Variants in LETM1 observed in about 807,000 individuals in gnomAD.
The protein encoded by LETM1 is leucine zipper and EF-hand containing transmembrane protein 1, also known as mitochondrial proton/calcium exchanger protein.
Under a neutral mutation model 74.5 loss-of-function variants are expected in LETM1, and 50 were observed. That is an observed-to-expected ratio of 0.67 (90% CI 0.53 to 0.85). The LOEUF (loss-of-function observed/expected upper bound fraction) is 0.85, where lower values mean the gene tolerates loss of function less well. Ranked by LOEUF, LETM1 falls within the 40% of genes least tolerant of loss-of-function variation. The probability of loss-of-function intolerance (pLI) is 0.00; values close to 1 mark genes in which losing one functional copy is unlikely to be tolerated. For synonymous variants in LETM1, 446 were observed against 407.1 expected, an observed-to-expected ratio of 1.10 and a Z score of -1.15; for missense variants, 824 against 967.8, an observed-to-expected ratio of 0.85 and a Z score of 1.97.
chr4:1,850,109 G>A (rs368095738), intron 1 of LETM1, among the ~76,000 whole-genome samples: 2 of 151,932 alleles, frequency 1.3e-5, no homozygotes, highest in South Asian at 2.1e-4. Context: ...AGCTGAGATC[G>A]CACCATTGCA....
chr4:1,822,693 C>G (rs1032425154), intron 9 of LETM1: 8 of 358,850 alleles, frequency 2.2e-5, no homozygotes, highest in Admixed American at 4.7e-5. Flanking sequence ...CAGCGCCCCT[C>G]ACAGCAAGTC....
chr4:1,822,734 T>TA, intron 9 of LETM1: 1 of 386,458 alleles, frequency 2.6e-6, no homozygotes, highest in South Asian at 1.4e-4. Context: ...TGCCATATGC[T>TA]AAGCTTGCCC....
chr4:1,818,398 G>C (rs899363846), intron 11 of LETM1, among the ~76,000 whole-genome samples: 16 of 152,154 alleles, frequency 1.1e-4, no homozygotes, highest in Non-Finnish European at 2.1e-4. Flanking sequence ...TGGATCATGA[G>C]GTCAGGAGTT....
intron 11 of LETM1, 41 bp from the exon 12 acceptor site, chr4:1,816,955 G>GA: frequency 6.5e-7 from 1 of 1,547,054 alleles, no homozygotes; most frequent in Non-Finnish European, 8.9e-7. Flanking sequence ...TGTCTTAAAA[G>GA]AAAAAGGGGG....
Position 1,841,607 on chromosome 4 carries a change from G to A in LETM1, c.334C>T (p.Arg112Cys), listed in dbSNP as rs746673958. ...ACTACCGAGTCATCGCGAACAGGGC[G>A]CGAAGAGTGCCAGCCACGCACAGGA... ...CLPVRGWHSSRPVRDDSVVEK... is the reference protein window; with the variant it reads ...CLPVRGWHSSCPVRDDSVVEK... Residue 112 changes from arginine (R) to cysteine (C), a missense_variant, in exon 3 of 14, where the codon CGC becomes TGC. This residue lies in a region of LETM1 where 222 missense variants were observed against 195.6 expected (regional missense o/e 1.14). Coordinates refer to ENST00000302787, the MANE Select transcript of LETM1 (RefSeq NM_012318.3). The A allele has an allele frequency of 1.2e-5, 20 of 1,614,074 alleles. No individual in the cohort carries two copies. The highest frequency in any genetic ancestry group is 1.4e-5 in the Non-Finnish European group (16 of 1,180,040).
chr4:1,843,764 G>A (rs542173961), intron 2 of LETM1, among the ~76,000 whole-genome samples: 1 of 152,160 alleles, frequency 6.6e-6, no homozygotes, highest in African/African-American at 2.4e-5. Context: ...CAGCCACCAT[G>A]TCTCTAGGTT....
intron 3 of LETM1, among the ~76,000 whole-genome samples, chr4:1,837,039 C>A (rs1460673619): frequency 1.3e-5 from 2 of 152,100 alleles, no homozygotes; most frequent in Non-Finnish European, 2.9e-5. Flanking sequence ...AGGAAAAAAC[C>A]CAAGTATTTC....
rs111779218 is a variant in LETM1, at chr4:1,845,397, G to A, written c.144-3600C>T. Among the ~76,000 whole-genome samples, 336 of 152,276 alleles carry A rather than the reference G, an allele frequency of 2.2e-3. 1 individual carries two copies. Among genetic ancestry groups the A allele is most frequent in the African/African-American group, 7.6e-3 (315 of 41,546 alleles). ...GAGGTAGGTGGATCACCTGAGGTCA[G>A]GAGTTCGAGATGAGCCTGGCCAATG... On this transcript the variant is annotated intron_variant, in intron 2 of 13. Coordinates refer to ENST00000302787, the MANE Select transcript of LETM1 (RefSeq NM_012318.3).
chr4:1,853,686 G>T (rs528083716), intron 1 of LETM1, among the ~76,000 whole-genome samples: 1 of 152,178 alleles, frequency 6.6e-6, no homozygotes, highest in African/African-American at 2.4e-5. Flanking sequence ...AAGAAAATCT[G>T]AATATGTTAT....
At position 1,822,204 on chromosome 4, in the gene LETM1, C is replaced by G; in HGVS notation, c.1585G>C (p.Ala529Pro). 1 of 1,488,342 alleles carries G rather than the reference C, an allele frequency of 6.7e-7. No individual in the cohort carries two copies. The highest frequency in any genetic ancestry group is 1.3e-5 in the South Asian group (1 of 74,596). 92.2% of individuals were successfully genotyped at this position (1,488,342 alleles called of 1,614,324 possible). A position where few individuals can be genotyped will look rare whatever the true frequency, so the allele number is the denominator to read the frequency against. The change falls in exon 10 of 14, where the codon GCC becomes CCC. Residue 529 changes from alanine (A) to proline (P), a missense_variant. Ala to Pro is a conservative substitution (Grantham distance 27, BLOSUM62 -1). Coordinates refer to ENST00000302787, the MANE Select transcript of LETM1 (RefSeq NM_012318.3). ...ACCTTCAAGCCCTCCAGCACCGGGG[C>G]AGTGTCCTTCAAGGTCTCTGACTGC... ...VLQSETLKDT[A>P]PVLEGLKEEE...
rs1722546130 is a variant in LETM1, at chr4:1,814,269, T to C, written c.*155A>G. 1 of 1,167,852 alleles carries C rather than the reference T, an allele frequency of 8.6e-7. No individual in the cohort carries two copies. Among genetic ancestry groups the C allele is most frequent in the African/African-American group, 1.5e-5 (1 of 65,330 alleles). The allele number at this position is 1,167,852 out of a possible 1,614,324, so 72.3% of individuals were successfully genotyped here. A position where few individuals can be genotyped will look rare whatever the true frequency, so the allele number is the denominator to read the frequency against. The stretch of plus-strand genomic sequence containing the variant: ...CCAGACAGACTGAATCTCCGTGGAA[T>C]GATGAAAATTAAAATTTACTTGATT... On this transcript the variant is annotated 3_prime_UTR_variant, in exon 14 of 14. Transcript: ENST00000302787.
At chr4:1,851,536 A>T (rs1281589042) in intron 1 of LETM1, among the ~76,000 whole-genome samples, 1 of 152,218 alleles carries the variant, frequency 6.6e-6, no homozygotes, top group East Asian at 1.9e-4. Context: ...CCGGTCTGTG[A>T]ACTGGGAGCT....
In LETM1 at chr4:1,823,121, G is replaced by A; in HGVS notation, c.1343C>T (p.Ala448Val). The A allele has an allele frequency of 6.3e-7, 1 of 1,594,554 alleles. No homozygotes were observed. The highest frequency in any genetic ancestry group is 8.6e-7 in the Non-Finnish European group (1 of 1,169,114). ...QTLPEIVAKEAQVKVAEVEGE... is the reference protein window; with the variant it reads ...QTLPEIVAKEVQVKVAEVEGE... ...CTCCACCTCGGCCACTTTCACCTGT[G>A]CTTCCTTTGCCTTCAGAAGAGGGTA... The change falls in exon 9 of 14, where the codon GCA becomes GTA. Residue 448 changes from alanine to valine, a missense_variant. Coordinates refer to ENST00000302787, the MANE Select transcript of LETM1 (RefSeq NM_012318.3).
intron 7 of LETM1, 86 bp from the exon 8 acceptor site, chr4:1,823,861 A>G (rs1711887206): frequency 1.4e-6 from 2 of 1,415,694 alleles, no homozygotes; most frequent in East Asian, 2.3e-5. Flanking sequence ...TCACCAGAAT[A>G]GCTCTCAGAG....
rs1297906527 is a variant in LETM1, at chr4:1,827,941, C to T, written c.1081-2258G>A. Among the ~76,000 whole-genome samples, 986 of 148,304 alleles carry T rather than the reference C, an allele frequency of 6.6e-3. 10 individuals are homozygous for T. Among genetic ancestry groups the T allele is most frequent in the African/African-American group, 0.023 (923 of 39,336 alleles). ...GGGGCTGACCCCCCAACCTCCCTCCCGGATGGGGCGGCTGGCCGGGCAGAG... is the reference window on the plus strand; with the variant it reads ...GGGGCTGACCCCCCAACCTCCCTCCTGGATGGGGCGGCTGGCCGGGCAGAG... On this transcript the variant is annotated intron_variant, in intron 6 of 13. Transcript: ENST00000302787.
At chr4:1,828,900 C>T (rs1392819663) in intron 6 of LETM1, among the ~76,000 whole-genome samples, 1 of 110,444 alleles carries the variant, frequency 9.1e-6, no homozygotes, top group Non-Finnish European at 1.9e-5. Flanking sequence ...GGCGGCTGGC[C>T]GGGCAGAGGG....
chr4:1,816,684 T>C (rs751607875), intron 12 of LETM1, 43 bp downstream of exon 12: 6 of 1,586,194 alleles, frequency 3.8e-6, no homozygotes, highest in South Asian at 1.1e-5. Context: ...AGCCTCCCTA[T>C]GTGAGTCTCC....
intron 3 of LETM1, among the ~76,000 whole-genome samples, chr4:1,837,567 C>T (rs1279024974): frequency 6.6e-6 from 1 of 151,910 alleles, no homozygotes; most frequent in Non-Finnish European, 1.5e-5. Flanking sequence ...TTTTGATATG[C>T]CTCATTAATT....
chr4:1,844,846 G>A (rs1033587694), intron 2 of LETM1, among the ~76,000 whole-genome samples: 4 of 133,236 alleles, frequency 3.0e-5, no homozygotes, highest in Admixed American at 1.7e-4. Flanking sequence ...CCAGGAGTTC[G>A]AACCCAGCCT....
Sources: gnomAD v4.1 joint callset for allele counts (sites outside exome capture counted in the v4.1 genomes callset) on GRCh38, gnomAD v4.1.1 for gene constraint, gnomAD v4.1.1 regional missense constraint, MANE v1.5 for transcripts, NCBI Gene and HGNC (gene_info 2026-07-23, HGNC 2026-07-21) for gene names.